The following PEPD variants were observed in gnomAD, a reference collection of about 807,000 sequenced individuals.
PEPD encodes the protein peptidase D, also known as xaa-Pro dipeptidase.
In PEPD, 53 loss-of-function variants were observed where a neutral mutation model predicts 60.7. The observed-to-expected ratio is 0.87, with a 90% confidence interval of 0.70 to 1.10. The LOEUF is 1.10. Ranked by LOEUF, PEPD falls within the 50% of genes least tolerant of loss-of-function variation. PEPD has a pLI of 0.00. For synonymous variants in PEPD, 267 were observed against 284.1 expected (o/e 0.94, Z 0.60); for missense variants, 711 against 711.9 (o/e 1.00, Z 0.01).
intron 2 of PEPD, 176 bp from the exon 3 acceptor site, chr19:33,511,331 G>A (rs1370181532): frequency 4.6e-6 from 3 of 655,578 alleles, no homozygotes. Context: ...TCCTCCCGTA[G>A]TTTGGCAGGG....
At chr19:33,483,238 C>T (rs185209850) in intron 6 of PEPD, among the ~76,000 whole-genome samples, 222 of 152,232 alleles carry the variant, frequency 1.5e-3, no homozygotes, top group Middle Eastern at 3.4e-3. Context: ...TGAAAATCAG[C>T]GATCTAAACT....
At chr19:33,511,771 A>C (rs1313042120) in intron 2 of PEPD, among the ~76,000 whole-genome samples, 1 of 152,234 alleles carries the variant, frequency 6.6e-6, no homozygotes, top group African/African-American at 2.4e-5. Context: ...CTGGAGAAGC[A>C]TCAAGACTAG....
chr19:33,392,517 G>T (rs1475586983), intron 12 of PEPD, among the ~76,000 whole-genome samples: 1 of 152,166 alleles, frequency 6.6e-6, no homozygotes, highest in Non-Finnish European at 1.5e-5. Context: ...GGCAGAGGCC[G>T]GGGCCCCAGG....
At chr19:33,410,626 C>A (rs761293096) in intron 11 of PEPD, among the ~76,000 whole-genome samples, 1 of 152,300 alleles carries the variant, frequency 6.6e-6, no homozygotes, top group Non-Finnish European at 1.5e-5. Flanking sequence ...AAGGCGGAGG[C>A]AGCCCAGCTG....
intron 9 of PEPD, among the ~76,000 whole-genome samples, chr19:33,434,391 C>G (rs1010800413): frequency 6.6e-6 from 1 of 152,112 alleles, no homozygotes; most frequent in African/African-American, 2.4e-5. Context: ...TGTGTAACGG[C>G]GATGGTTCTA....
At chr19:33,428,505 C>A (rs960876855) in intron 9 of PEPD, among the ~76,000 whole-genome samples, 1 of 152,292 alleles carries the variant, frequency 6.6e-6, no homozygotes, top group South Asian at 2.1e-4. Context: ...CTGGCAGCTG[C>A]TGCCCTTCAG....
At chr19:33,399,507 GC>G (rs912810304) in intron 12 of PEPD, among the ~76,000 whole-genome samples, 1 of 151,944 alleles carries the variant, frequency 6.6e-6, no homozygotes, top group Non-Finnish European at 1.5e-5. Context: ...CTGGGGCCTG[GC>G]ACTGCCCCCA....
intron 9 of PEPD, among the ~76,000 whole-genome samples, chr19:33,438,705 T>C (rs114694900): frequency 1.6e-3 from 240 of 152,348 alleles, no homozygotes; most frequent in African/African-American, 5.5e-3. Flanking sequence ...ATGGCAACCC[T>C]GGGACAAAGG....
intron 3 of PEPD, among the ~76,000 whole-genome samples, chr19:33,507,611 C>CA (rs1970838095): frequency 6.6e-6 from 1 of 152,156 alleles, no homozygotes; most frequent in South Asian, 2.1e-4. Flanking sequence ...GATAGGGACT[C>CA]AAAAGGAAGC....
chr19:33,418,924 C>T (rs941952226), intron 9 of PEPD, among the ~76,000 whole-genome samples: 12 of 152,190 alleles, frequency 7.9e-5, no homozygotes, highest in East Asian at 1.9e-4. Context: ...CTGGTGCTAG[C>T]GGAGAGCTGG....
At chr19:33,480,433 A>G (rs1165979375) in intron 6 of PEPD, among the ~76,000 whole-genome samples, 1 of 152,240 alleles carries the variant, frequency 6.6e-6, no homozygotes, top group Non-Finnish European at 1.5e-5. Context: ...GAAACTGACA[A>G]TAGTTGGAGA....
chr19:33,472,090 G>A (rs1281220111), intron 7 of PEPD, among the ~76,000 whole-genome samples: 1 of 151,990 alleles, frequency 6.6e-6, no homozygotes, highest in Non-Finnish European at 1.5e-5. Flanking sequence ...GAACCTGGGA[G>A]GCGGAAGTTG....
chr19:33,404,840 C>A (rs774597314), intron 11 of PEPD, among the ~76,000 whole-genome samples: 1 of 152,124 alleles, frequency 6.6e-6, no homozygotes, highest in Non-Finnish European at 1.5e-5. Context: ...CCTAGAGTTT[C>A]TACACACATA....
intron 8 of PEPD, 74 bp from the exon 9 acceptor site, chr19:33,463,115 C>T (rs374083513): frequency 2.2e-4 from 198 of 903,028 alleles, no homozygotes; most frequent in Non-Finnish European, 3.4e-4. Context: ...TAACATACAG[C>T]ACTTCTTCAA....
At position 33,431,162 on chromosome 19, in the gene PEPD, AGAAG is replaced by A. The variant is rs1275772073; in HGVS notation, c.672-17523_672-17520del. On this transcript the variant is annotated intron_variant, in intron 9 of 14. Coordinates refer to ENST00000244137, the MANE Select transcript of PEPD (RefSeq NM_000285.4). ...AGAAAGGGAGAGAGGAAGGAAGGAA[AGAAG>A]GAAGGAAGGAAGGAAGGGAGGGAGG... is the stretch of plus-strand genomic sequence containing the variant. 3.9e-3 allele frequency among the ~76,000 whole-genome samples: 521 copies of A among 134,908 alleles called. 4 individuals carry two copies. Among genetic ancestry groups the A allele is most frequent in the African/African-American group, 0.012 (453 of 36,328 alleles). 88.5% of individuals were successfully genotyped at this position (134,908 alleles called of 152,430 possible).
chr19:33,475,221 T>A (rs1339032757), intron 7 of PEPD, among the ~76,000 whole-genome samples: 1 of 151,994 alleles, frequency 6.6e-6, no homozygotes, highest in Non-Finnish European at 1.5e-5. Flanking sequence ...TGGTTTCCTG[T>A]TATCCCCATA....
At chr19:33,468,874 G>C (rs1413611870) in intron 7 of PEPD, among the ~76,000 whole-genome samples, 2 of 152,168 alleles carry the variant, frequency 1.3e-5, no homozygotes, top group African/African-American at 4.8e-5. Context: ...CGTATGGCGG[G>C]TGCAGTCCCA....
intron 9 of PEPD, among the ~76,000 whole-genome samples, chr19:33,440,602 T>C (rs1411486666): frequency 6.6e-6 from 1 of 152,074 alleles, no homozygotes; most frequent in African/African-American, 2.4e-5. Context: ...CTCGCCCACT[T>C]TGGGTCTCAC....
intron 7 of PEPD, among the ~76,000 whole-genome samples, chr19:33,472,158 T>C (rs1222477676): frequency 2.0e-5 from 2 of 101,664 alleles, no homozygotes; most frequent in African/African-American, 4.7e-5. Context: ...CAAAACTCCA[T>C]CTCAAAAAAA....
Sources: allele counts gnomAD v4.1 joint callset (sites outside exome capture counted in the v4.1 genomes callset), GRCh38; gene constraint gnomAD v4.1.1; transcripts MANE v1.5; gene names NCBI Gene and HGNC (gene_info 2026-07-23, HGNC 2026-07-21).